The following PRIM2 variants were observed in gnomAD, a reference collection of about 807,000 sequenced individuals.
The protein encoded by PRIM2 is DNA primase large subunit.
A neutral mutation model predicts 67.3 loss-of-function variants in PRIM2; 39 were observed. That is an observed-to-expected ratio of 0.58 (90% CI 0.45 to 0.76). PRIM2 has a LOEUF of 0.76. Ranked by LOEUF, PRIM2 falls within the 30% of genes least tolerant of loss-of-function variation. The pLI, the probability that PRIM2 is intolerant of heterozygous loss-of-function variation, is 0.00. For missense variants in PRIM2, 398 were observed against 598.7 expected, an observed-to-expected ratio of 0.66 and a Z score of 3.50; for synonymous variants, 143 against 198.7, an observed-to-expected ratio of 0.72 and a Z score of 2.36.
chr6:57,347,944 G>A (rs892605829), intron 5 of PRIM2, among the ~76,000 whole-genome samples: 2 of 152,206 alleles, frequency 1.3e-5, no homozygotes, highest in African/African-American at 2.4e-5. Flanking sequence ...TAAGGTGACA[G>A]GGCCCATCAA....
chr6:57,267,680 G>A, the PRIM2 span, among the ~76,000 whole-genome samples: 2 of 151,270 alleles, frequency 1.3e-5, no homozygotes, highest in East Asian at 2.0e-4. Context: ...AGGCGGAGGC[G>A]GGAGGATCAC....
At position 57,337,663 on chromosome 6, in the gene PRIM2, G is replaced by A. The variant is rs535285316; in HGVS notation, c.459+11618G>A. ...AATAAAGATGTTCTTTGAAACCAACGAGAACAAAGACACAACATACCAGAA... is the reference window on the plus strand; with the variant it reads ...AATAAAGATGTTCTTTGAAACCAACAAGAACAAAGACACAACATACCAGAA... On this transcript the variant is annotated intron_variant, in intron 5 of 13. Transcript: ENST00000615550. Among the ~76,000 whole-genome samples, 4 of 152,198 alleles carry A rather than the reference G, an allele frequency of 2.6e-5. No homozygotes were observed. The South Asian group carries it at 6.2e-4, about 24-fold the overall frequency.
intron 8 of PRIM2, among the ~76,000 whole-genome samples, chr6:57,527,630 T>A (rs1461077228): frequency 6.6e-6 from 1 of 152,212 alleles, no homozygotes; most frequent in Non-Finnish European, 1.5e-5. Context: ...TTGCCTCACA[T>A]CTTTTCATGA....
intron 7 of PRIM2, among the ~76,000 whole-genome samples, chr6:57,458,359 A>G (rs1235627541): frequency 6.6e-6 from 1 of 152,232 alleles, no homozygotes; most frequent in Admixed American, 6.5e-5. Flanking sequence ...GAGATAAGGA[A>G]GTATAATTCT....
the PRIM2 span, among the ~76,000 whole-genome samples, chr6:57,236,438 T>C: frequency 1.6e-4 from 24 of 152,176 alleles, no homozygotes; most frequent in African/African-American, 5.3e-4. Context: ...TATTATACTT[T>C]AAGTTCTAGG....
chr6:57,254,121 G>A, the PRIM2 span, among the ~76,000 whole-genome samples: 1 of 152,160 alleles, frequency 6.6e-6, no homozygotes, highest in Non-Finnish European at 1.5e-5. Flanking sequence ...TGGGTTTGGG[G>A]TAGAGCCTAG....
chr6:57,247,117 G>A, the PRIM2 span, among the ~76,000 whole-genome samples: 1 of 152,200 alleles, frequency 6.6e-6, no homozygotes, highest in Non-Finnish European at 1.5e-5. Context: ...GCCTTCCAAA[G>A]TGCTAGGATT....
chr6:57,397,732 C>T (rs1160407736), intron 7 of PRIM2, among the ~76,000 whole-genome samples: 4 of 151,874 alleles, frequency 2.6e-5, no homozygotes, highest in Admixed American at 2.6e-4. Flanking sequence ...AAAATCAACT[C>T]CTGGGTTTGT....
intron 7 of PRIM2, among the ~76,000 whole-genome samples, chr6:57,476,208 T>C (rs1345104006): frequency 6.6e-6 from 1 of 152,208 alleles, no homozygotes; most frequent in Non-Finnish European, 1.5e-5. Context: ...AGTAAAATTA[T>C]TGGAATCTTG....
At chr6:57,451,825 A>G in intron 7 of PRIM2, among the ~76,000 whole-genome samples, 1 of 147,204 alleles carries the variant, frequency 6.8e-6, no homozygotes, top group East Asian at 2.0e-4. Context: ...GTACATGTGC[A>G]CTATGTGCAG....
chr6:57,278,635 A>G, the PRIM2 span, among the ~76,000 whole-genome samples: 2 of 152,242 alleles, frequency 1.3e-5, no homozygotes, highest in African/African-American at 2.4e-5. Context: ...TGAGAGACAC[A>G]ATATAATACA....
intron 10 of PRIM2, among the ~76,000 whole-genome samples, chr6:57,576,133 A>AACATGTTCCCAACATGTTGGGAAG (rs1775960599): frequency 6.6e-6 from 1 of 151,828 alleles, no homozygotes; most frequent in Non-Finnish European, 1.5e-5. Context: ...TTGTTGGGAA[A>AACATGTTCCCAACATGTTGGGAAG]ACATGTTCCC....
intron 10 of PRIM2, among the ~76,000 whole-genome samples, chr6:57,587,955 T>G (rs1292502205): frequency 6.6e-6 from 1 of 152,162 alleles, no homozygotes; most frequent in African/African-American, 2.4e-5. Flanking sequence ...TTAAATGATA[T>G]TGGGGAATCC....
intron 9 of PRIM2, among the ~76,000 whole-genome samples, 173 bp downstream of exon 9, chr6:57,532,656 TC>T (rs1774916949): frequency 6.6e-6 from 1 of 152,164 alleles, no homozygotes. Context: ...CATAAGAAAA[TC>T]ATTTAATCAG....
intron 5 of PRIM2, among the ~76,000 whole-genome samples, chr6:57,374,177 G>A (rs1273410619): frequency 6.7e-6 from 1 of 149,918 alleles, no homozygotes; most frequent in Non-Finnish European, 1.5e-5. Context: ...TTTGTTAGCT[G>A]TATTCCTAGG....
chr6:57,487,380 C>A (rs1229375985), intron 7 of PRIM2, among the ~76,000 whole-genome samples: 1 of 152,084 alleles, frequency 6.6e-6, no homozygotes, highest in East Asian at 1.9e-4. Context: ...AGGTGCATGC[C>A]GCCATGCCTG....
chr6:57,602,850 T>C (rs1776494329), intron 11 of PRIM2, among the ~76,000 whole-genome samples: 1 of 152,340 alleles, frequency 6.6e-6, no homozygotes, highest in South Asian at 2.1e-4. Context: ...AGTAATAAAC[T>C]TAATTTTTTA....
At chr6:57,551,158 G>T (rs1368007355) in intron 10 of PRIM2, among the ~76,000 whole-genome samples, 1 of 152,148 alleles carries the variant, frequency 6.6e-6, no homozygotes, top group Non-Finnish European at 1.5e-5. Context: ...GCACCTGCCT[G>T]TGTGCATTAC....
At chr6:57,535,035 A>C (rs1400559352) in intron 9 of PRIM2, among the ~76,000 whole-genome samples, 4 of 152,132 alleles carry the variant, frequency 2.6e-5, no homozygotes, top group African/African-American at 9.7e-5. Context: ...AAGCTCTTCG[A>C]GGACAGGGTT....
Sources: allele counts gnomAD v4.1 joint callset (sites outside exome capture counted in the v4.1 genomes callset), GRCh38; gene constraint gnomAD v4.1.1; transcripts MANE v1.5; gene names NCBI Gene and HGNC (gene_info 2026-07-23, HGNC 2026-07-21).